GATC: variants seen among roughly 807,000 people sequenced by gnomAD.
The protein encoded by GATC is glutamyl-tRNA amidotransferase subunit C.
GATC carries 11 observed loss-of-function variants against 14.4 expected under a neutral mutation model. That is an observed-to-expected ratio of 0.77 (90% CI 0.48 to 1.27). The LOEUF (loss-of-function observed/expected upper bound fraction) is 1.27, where lower values mean the gene tolerates loss of function less well. GATC is among the 50% of genes most tolerant of loss of function. The pLI is 0.00. For missense variants in GATC, 204 were observed against 183.0 expected (o/e 1.11, Z -0.66); for synonymous variants, 76 against 79.3 (o/e 0.96, Z 0.22).
At chr12:120,452,988 G>C (rs1341901904) in intron 2 of GATC, among the ~76,000 whole-genome samples, 6 of 152,140 alleles carry the variant, frequency 3.9e-5, no homozygotes, top group Non-Finnish European at 7.3e-5. Flanking sequence ...GAGCCACCTT[G>C]CCTGGCTCAG....
intron 2 of GATC, among the ~76,000 whole-genome samples, chr12:120,452,686 G>C (rs1207798949): frequency 6.6e-6 from 1 of 152,030 alleles, no homozygotes; most frequent in Non-Finnish European, 1.5e-5. Context: ...ATAGGCATGA[G>C]CCATCATGCC....
chr12:120,459,424 G>A (rs77156817), intron 3 of GATC, among the ~76,000 whole-genome samples: 3,442 of 152,210 alleles, frequency 0.023, 132 homozygotes, highest in African/African-American at 0.078. Flanking sequence ...GGTGAATTTG[G>A]CTACACTTAG....
At chr12:120,447,429 G>T (rs1178279267) in intron 2 of GATC, among the ~76,000 whole-genome samples, 1 of 151,924 alleles carries the variant, frequency 6.6e-6, no homozygotes, top group Non-Finnish European at 1.5e-5. Context: ...TCACTCCAAC[G>T]TACTCTTCTC....
At position 120,462,022 on chromosome 12, in the gene GATC, G is replaced by A. The variant is rs1253624010; in HGVS notation, c.*2063G>A. 1 of 1,608,386 alleles carries A rather than the reference G, an allele frequency of 6.2e-7. No homozygotes were observed. Among genetic ancestry groups the A allele is most frequent in the Non-Finnish European group, 8.5e-7 (1 of 1,178,004 alleles). ...GAAAAAATTCCCATCACCTGTCTCAGTAGGGCCTGAAAGGAGAGAAGTAGT... is the reference window on the plus strand; with the variant it reads ...GAAAAAATTCCCATCACCTGTCTCAATAGGGCCTGAAAGGAGAGAAGTAGT... On this transcript the variant is annotated 3_prime_UTR_variant, in exon 4 of 4. Transcript: ENST00000551765.
At chr12:120,451,245 G>A (rs1878035659) in intron 2 of GATC, among the ~76,000 whole-genome samples, 1 of 151,176 alleles carries the variant, frequency 6.6e-6, no homozygotes, top group South Asian at 2.1e-4. Flanking sequence ...AGGAGTTGAA[G>A]ACCAGCCTGG....
In GATC at chr12:120,461,933, C is replaced by T. The variant is rs1878352286; in HGVS notation, c.*1974C>T. 7.5e-7 allele frequency: 1 copy of T among 1,329,874 alleles called. No homozygotes were observed. Among genetic ancestry groups the T allele is most frequent in the East Asian group, 2.8e-5 (1 of 36,316 alleles). 82.4% of individuals were successfully genotyped at this position (1,329,874 alleles called of 1,614,324 possible). On this transcript the variant is annotated 3_prime_UTR_variant, in exon 4 of 4. Coordinates refer to ENST00000551765, the MANE Select transcript of GATC (RefSeq NM_176818.3). ...AAAATTAAAAAAATTTCCTAAGACA[C>T]TAAATCCTCAATCTGGAATGTAGAT...
At chr12:120,448,549 G>A (rs561143133) in intron 2 of GATC, among the ~76,000 whole-genome samples, 30 of 150,256 alleles carry the variant, frequency 2.0e-4, no homozygotes, top group African/African-American at 5.4e-4. Context: ...GGCTGGTCTC[G>A]AACCCCTGGC....
rs941457515 is a variant in GATC at position 120,461,775 on chromosome 12, T to A, written c.*1816T>A. 1.4e-5 allele frequency: 5 copies of A among 352,524 alleles called. No homozygotes were observed. Among genetic ancestry groups the A allele is most frequent in the Non-Finnish European group, 2.5e-5 (5 of 198,146 alleles). The allele number at this position is 352,524 out of a possible 1,614,324, so 21.8% of individuals were successfully genotyped here. A position where few individuals can be genotyped will look rare whatever the true frequency, so the allele number is the denominator to read the frequency against. ...AACCCACAAAGACAGAACTGATTTTTTTCCCATAATCAGGGGTGAAAAATA... is the reference window on the plus strand; with the variant it reads ...AACCCACAAAGACAGAACTGATTTTATTCCCATAATCAGGGGTGAAAAATA... On this transcript the variant is annotated 3_prime_UTR_variant, in exon 4 of 4. Transcript: ENST00000551765.
rs1035107920 is a variant in GATC, at chr12:120,462,619, C to G, written c.*2660C>G. 2 of 153,054 alleles carry G rather than the reference C, an allele frequency of 1.3e-5. No homozygotes were observed. The highest frequency in any genetic ancestry group is 4.8e-5 in the African/African-American group (2 of 41,452). The allele number at this position is 153,054 out of a possible 1,614,324, so 9.5% of individuals were successfully genotyped here. Reference sequence around the variant, plus strand: ...CAGATGTGAGGACCTGAGCTAGATGCTTTAGACGTTATCCTCTTGCTCTAG... The same window carrying G: ...CAGATGTGAGGACCTGAGCTAGATGGTTTAGACGTTATCCTCTTGCTCTAG... On this transcript the variant is annotated 3_prime_UTR_variant, in exon 4 of 4. Transcript: ENST00000551765.
chr12:120,462,277 G>C lies in GATC; in HGVS notation c.*2318G>C. 1 of 1,131,280 alleles carries C rather than the reference G, an allele frequency of 8.8e-7. No individual in the cohort carries two copies. The highest frequency in any genetic ancestry group is 1.2e-6 in the Non-Finnish European group (1 of 809,178). 70.1% of individuals were successfully genotyped at this position (1,131,280 alleles called of 1,614,324 possible). On this transcript the variant is annotated 3_prime_UTR_variant, in exon 4 of 4. Coordinates refer to ENST00000551765, the MANE Select transcript of GATC (RefSeq NM_176818.3). ...GTATTGAGCACTTACTGTGTACTCT[G>C]TGCCTGGCATGAGGCTATCTCATTA...
intron 2 of GATC, among the ~76,000 whole-genome samples, chr12:120,454,287 A>G (rs1286244950): frequency 5.3e-5 from 8 of 152,188 alleles, no homozygotes; most frequent in Admixed American, 5.2e-4. Context: ...GCATTATCAG[A>G]TCTTGTTTTT....
chr12:120,454,577 T>TA lies in GATC; in HGVS notation c.255-2499_255-2498insA, dbSNP rs1317523954. ...GCCCCCGCCACCACGCCTGGCTAAT[T>TA]TTTTTTTTTTTGTATTTTTAGTAGA... On this transcript the variant is annotated intron_variant, in intron 2 of 3. Transcript: ENST00000551765. Among the ~76,000 whole-genome samples, 3 of 147,996 alleles carry TA rather than the reference T, an allele frequency of 2.0e-5. No individual in the cohort carries two copies. The East Asian group carries it at 5.9e-4, about 29-fold the overall frequency.
chr12:120,460,085 C>A lies in GATC; in HGVS notation c.*126C>A. 1.5e-6 allele frequency: 1 copy of A among 662,068 alleles called. No homozygotes were observed. The highest frequency in any genetic ancestry group is 2.7e-6 in the Non-Finnish European group (1 of 377,228). The allele number at this position is 662,068 out of a possible 1,614,324, so 41.0% of individuals were successfully genotyped here. On this transcript the variant is annotated 3_prime_UTR_variant, in exon 4 of 4. Transcript: ENST00000551765. ...TGAAAAAATGGATGCTCAAGCATTT[C>A]TTAATAACAGATTCTTCTGAAGACA... is the stretch of plus-strand genomic sequence containing the variant.
chr12:120,457,586 C>G (rs992854597), intron 3 of GATC, among the ~76,000 whole-genome samples: 2 of 149,680 alleles, frequency 1.3e-5, no homozygotes, highest in African/African-American at 4.9e-5. Context: ...AAAACCAGTC[C>G]TTTCCTAAAA....
rs1878336184 is a variant in GATC at position 120,461,432 on chromosome 12, T to C, written c.*1473T>C. 2 of 152,190 alleles carry C rather than the reference T, an allele frequency of 1.3e-5. No homozygotes were observed. Among genetic ancestry groups the C allele is most frequent in the Admixed American group, 6.5e-5 (1 of 15,268 alleles). 9.4% of individuals were successfully genotyped at this position (152,190 alleles called of 1,614,324 possible). The stretch of plus-strand genomic sequence containing the variant: ...CCCTTCCTTTATCTGCAATGCTTTT[T>C]TCTTTAAGGCAGCCTAATTTACAAG... On this transcript the variant is annotated 3_prime_UTR_variant, in exon 4 of 4. Transcript: ENST00000551765.
intron 2 of GATC, chr12:120,455,095 A>T: frequency 2.8e-6 from 1 of 352,408 alleles, no homozygotes; most frequent in Non-Finnish European, 6.1e-6. Context: ...ACCATATTGG[A>T]TGGTCTCGAA....
At position 120,446,502 on chromosome 12, in the gene GATC, C is replaced by T. The variant is rs61734361; in HGVS notation, c.22C>T (p.Leu8=). 1,393 of 1,607,274 alleles carry T rather than the reference C, an allele frequency of 8.7e-4. 5 individuals are homozygous for T. In the African/African-American group the frequency reaches 0.017, roughly 19 times the overall value. Residue 8 remains leucine, a synonymous_variant, in exon 1 of 4, where the codon CTG becomes TTG. Coordinates refer to ENST00000551765, the MANE Select transcript of GATC (RefSeq NM_176818.3). ...AGAAATGTGGTCGCGGTTGGTGTGGCTGGGCCTTCGGGCCCCTCTGGGCGG... is the reference window on the plus strand; with the variant it reads ...AGAAATGTGGTCGCGGTTGGTGTGGTTGGGCCTTCGGGCCCCTCTGGGCGG... MWSRLVW[L]GLRAPLGGRQ... is the part of the protein sequence containing the mutation.
chr12:120,454,954 C>G, intron 2 of GATC: 1 of 449,028 alleles, frequency 2.2e-6, no homozygotes, highest in South Asian at 1.6e-5. Flanking sequence ...GTGGTGTGAT[C>G]TCCGCTCACT....
In GATC at chr12:120,463,180, A is replaced by G. The variant is rs781530298; in HGVS notation, c.*3221A>G. 2 of 152,142 alleles carry G rather than the reference A, an allele frequency of 1.3e-5. No homozygotes were observed. The highest frequency in any genetic ancestry group is 2.9e-5 in the Non-Finnish European group (2 of 68,036). The allele number at this position is 152,142 out of a possible 1,614,324, so 9.4% of individuals were successfully genotyped here. A position where few individuals can be genotyped will look rare whatever the true frequency, so the allele number is the denominator to read the frequency against. ...TACCAAAGGGATAGTCACCACCTCA[A>G]TCAAACTGAGATCCAAAACAGCAGC... On this transcript the variant is annotated 3_prime_UTR_variant, in exon 4 of 4. Coordinates refer to ENST00000551765, the MANE Select transcript of GATC (RefSeq NM_176818.3).
Sources: gnomAD v4.1 joint callset for allele counts (sites outside exome capture counted in the v4.1 genomes callset) on GRCh38, gnomAD v4.1.1 for gene constraint, MANE v1.5 for transcripts, NCBI Gene and HGNC (gene_info 2026-07-23, HGNC 2026-07-21) for gene names.